Variants in KCNC4 observed in about 807,000 individuals in gnomAD.
The protein encoded by KCNC4 is potassium voltage-gated channel subfamily C member 4, also known as voltage-gated potassium channel KCNC4.
KCNC4 carries 23 observed loss-of-function variants against 42.8 expected under a neutral mutation model. The ratio of observed to expected loss-of-function variants is 0.54; its 90% CI spans 0.39 to 0.76. The LOEUF is 0.76. KCNC4 is among the 30% of genes least tolerant of loss of function. KCNC4 has a pLI of 0.00. For synonymous variants in KCNC4, 422 were observed against 393.5 expected (o/e 1.07, Z -0.86); for missense variants, 751 against 898.2 (o/e 0.84, Z 2.10).
intron 1 of KCNC4, among the ~76,000 whole-genome samples, chr1:110,257,325 T>C (rs1164056705): frequency 3.3e-5 from 5 of 152,062 alleles, no homozygotes; most frequent in African/African-American, 1.2e-4. Context: ...AGACGTCAGT[T>C]GGGAAAGTTT....
intron 1 of KCNC4, among the ~76,000 whole-genome samples, chr1:110,277,990 T>C (rs957092507): frequency 6.6e-6 from 1 of 152,072 alleles, no homozygotes; most frequent in Non-Finnish European, 1.5e-5. Flanking sequence ...TCTACAAAAA[T>C]ACAAAAAATA....
intron 1 of KCNC4, 140 bp downstream of exon 1, chr1:110,212,317 C>A: frequency 1.1e-6 from 1 of 906,460 alleles, no homozygotes; most frequent in Non-Finnish European, 1.5e-6. Flanking sequence ...CTCTCAACCC[C>A]CCTCCGTGGC....
chr1:110,216,079 T>A (rs755913389), intron 1 of KCNC4, among the ~76,000 whole-genome samples: 19 of 152,204 alleles, frequency 1.2e-4, no homozygotes, highest in Non-Finnish European at 2.6e-4. Flanking sequence ...GAGAAAAGAC[T>A]AAGGGAAGCT....
At chr1:110,272,977 C>A (rs1157081270) in intron 1 of KCNC4, among the ~76,000 whole-genome samples, 1 of 152,216 alleles carries the variant, frequency 6.6e-6, no homozygotes, top group African/African-American at 2.4e-5. Flanking sequence ...AAGGGATAGT[C>A]CTGGAGTTGG....
chr1:110,271,054 AC>A (rs1659625455), intron 1 of KCNC4, among the ~76,000 whole-genome samples: 1 of 152,186 alleles, frequency 6.6e-6, no homozygotes, highest in South Asian at 2.1e-4. Flanking sequence ...GAAATAGAAA[AC>A]AAACAAACAA....
chr1:110,257,074 A>G (rs1351719819), intron 1 of KCNC4: 1 of 153,314 alleles, frequency 6.5e-6, no homozygotes, highest in East Asian at 1.9e-4. Context: ...AAGAAAATGA[A>G]TGAGTTCTGT....
chr1:110,233,458 A>ATGATAC lies in KCNC4; in HGVS notation c.*486_*487insTGATAC. 5.3e-6 allele frequency: 1 copy of ATGATAC among 190,398 alleles called. No homozygotes were observed. The highest frequency in any genetic ancestry group is 1.0e-4 in the South Asian group (1 of 9,968). 11.8% of individuals were successfully genotyped at this position (190,398 alleles called of 1,614,324 possible). A position where few individuals can be genotyped will look rare whatever the true frequency, so the allele number is the denominator to read the frequency against. On this transcript the variant is annotated 3_prime_UTR_variant, in exon 4 of 4. Transcript: ENST00000438661. The stretch of plus-strand genomic sequence containing the variant: ...CAAGTAACCTGGTGAAGTCTATTGA[A>ATGATAC]GGCCAGACTGCCCCCTAGGGTCACT...
chr1:110,254,671 G>A (rs1483751986), intron 1 of KCNC4, among the ~76,000 whole-genome samples: 8 of 152,222 alleles, frequency 5.3e-5, no homozygotes, highest in African/African-American at 1.7e-4. Context: ...GAGTTGGGGG[G>A]AGGACTGTCT....
chr1:110,281,332 C>T (rs1180166683), intron 1 of KCNC4, among the ~76,000 whole-genome samples: 1 of 152,062 alleles, frequency 6.6e-6, no homozygotes, highest in African/African-American at 2.4e-5. Context: ...GGCCACCCTA[C>T]ACCTGTTTCC....
chr1:110,230,471 C>T (rs552573943), intron 3 of KCNC4, among the ~76,000 whole-genome samples: 2 of 152,304 alleles, frequency 1.3e-5, no homozygotes, highest in African/African-American at 4.8e-5. Context: ...ACTGTTTTCT[C>T]CTCTGACTTG....
chr1:110,216,783 C>T (rs1657817123), intron 1 of KCNC4, among the ~76,000 whole-genome samples: 2 of 152,180 alleles, frequency 1.3e-5, no homozygotes, highest in African/African-American at 4.8e-5. Flanking sequence ...TGGCCCTGCT[C>T]CCTGCTGGAA....
At chr1:110,281,648 C>T (rs1241599042) in intron 1 of KCNC4, among the ~76,000 whole-genome samples, 1 of 151,970 alleles carries the variant, frequency 6.6e-6, no homozygotes, top group Non-Finnish European at 1.5e-5. Flanking sequence ...TTCTGTGGCT[C>T]ATGGTGAGCC....
In KCNC4 at chr1:110,212,168, G is replaced by C; in HGVS notation, c.669G>C (p.Arg223=). The C allele has an allele frequency of 6.7e-7, 1 of 1,494,740 alleles. No individual in the cohort carries two copies. Among genetic ancestry groups the C allele is most frequent in the Non-Finnish European group, 8.8e-7 (1 of 1,139,250 alleles). 92.6% of individuals were successfully genotyped at this position (1,494,740 alleles called of 1,614,324 possible). The change falls in exon 1 of 4, where the codon CGG becomes CGC. Residue 223 remains arginine, a synonymous_variant. Coordinates refer to ENST00000438661, the MANE Select transcript of KCNC4 (RefSeq NM_001039574.3). ...WALFEDPYSS[R]AARVVAFASL... is the part of the protein sequence containing the mutation. ...TCTTCGAGGATCCCTACTCCTCCCG[G>C]GCCGCTAGGGTGAGTGGCAGGAGCC...
rs915780284 is a variant in KCNC4 at position 110,233,067 on chromosome 1, G to A, written c.*95G>A. On this transcript the variant is annotated 3_prime_UTR_variant, in exon 4 of 4. Coordinates refer to ENST00000438661, the MANE Select transcript of KCNC4 (RefSeq NM_001039574.3). ...AGACAAGAATCTTTTCGCTGGGAAA[G>A]ACTCAGATATCCTTGTTTGCACAGG... The A allele has an allele frequency of 1.1e-4, 161 of 1,453,854 alleles. No individual in the cohort carries two copies. Among genetic ancestry groups the A allele is most frequent in the Non-Finnish European group, 1.5e-4 (155 of 1,066,758 alleles). The allele number at this position is 1,453,854 out of a possible 1,614,324, so 90.1% of individuals were successfully genotyped here.
intron 1 of KCNC4, among the ~76,000 whole-genome samples, chr1:110,257,968 C>T (rs914457285): frequency 1.3e-5 from 2 of 152,192 alleles, no homozygotes; most frequent in Non-Finnish European, 2.9e-5. Flanking sequence ...CTGTCTGCCC[C>T]GTTAGGAGTC....
chr1:110,258,394 T>A (rs1000778420), intron 1 of KCNC4, among the ~76,000 whole-genome samples: 1 of 152,152 alleles, frequency 6.6e-6, no homozygotes, highest in Non-Finnish European at 1.5e-5. Context: ...CACGCCACCA[T>A]GCCCAGCTAA....
chr1:110,281,555 AACACACACAC>A (rs55839432), intron 1 of KCNC4, among the ~76,000 whole-genome samples: 5 of 140,442 alleles, frequency 3.6e-5, no homozygotes, highest in East Asian at 2.1e-4. Flanking sequence ...CATATGTAAA[AACACACACAC>A]ACACACACAC....
At chr1:110,236,465 G>A (rs1658910442), downstream of KCNC4, 1 of 152,152 alleles carries the variant, frequency 6.6e-6, no homozygotes, top group Admixed American at 6.5e-5. Context: ...AACTGCAATT[G>A]ATTCTCATAG....
exon 4 of KCNC4, chr1:110,247,988 G>C (rs1251497665): frequency 2.6e-5 from 4 of 152,220 alleles, no homozygotes; most frequent in Admixed American, 2.0e-4. Flanking sequence ...AAAGGCCATA[G>C]ATTAGACCCA....
Sources: gnomAD v4.1 joint callset for allele counts (sites outside exome capture counted in the v4.1 genomes callset) on GRCh38, gnomAD v4.1.1 for gene constraint, MANE v1.5 for transcripts, NCBI Gene and HGNC (gene_info 2026-07-23, HGNC 2026-07-21) for gene names.